Variants in HOMER1 observed in about 807,000 individuals in gnomAD.
HOMER1 encodes the protein homer protein homolog 1.
In HOMER1, 3 loss-of-function variants were observed where a neutral mutation model predicts 48.9. That is an observed-to-expected ratio of 0.06 (90% CI 0.03 to 0.16). The LOEUF (loss-of-function observed/expected upper bound fraction) is 0.16, where lower values mean the gene tolerates loss of function less well. Ranked by LOEUF, HOMER1 falls within the 10% of genes least tolerant of loss-of-function variation. The pLI is 1.00. For missense variants in HOMER1, 247 were observed against 411.4 expected (o/e 0.60, Z 3.46); for synonymous variants, 134 against 146.4 (o/e 0.92, Z 0.61).
intron 8 of HOMER1, among the ~76,000 whole-genome samples, chr5:79,390,745 A>G (rs1448632397): frequency 1.3e-5 from 2 of 152,190 alleles, no homozygotes; most frequent in African/African-American, 4.8e-5. Context: ...CTGTGATCCC[A>G]ATGCAATAGA....
At chr5:79,491,171 C>A (rs1401936376) in intron 1 of HOMER1, among the ~76,000 whole-genome samples, 1 of 144,220 alleles carries the variant, frequency 6.9e-6, no homozygotes, top group Non-Finnish European at 1.5e-5. Flanking sequence ...GCAGCTCACG[C>A]CTGTAATTCC....
At chr5:79,501,717 G>GT (rs1463919457) in intron 1 of HOMER1, among the ~76,000 whole-genome samples, 1 of 152,132 alleles carries the variant, frequency 6.6e-6, no homozygotes, top group Non-Finnish European at 1.5e-5. Context: ...TGCTCTAATG[G>GT]TAAGAGCCCC....
chr5:79,504,821 T>A (rs1752703626), intron 1 of HOMER1, among the ~76,000 whole-genome samples: 1 of 152,230 alleles, frequency 6.6e-6, no homozygotes, highest in African/African-American at 2.4e-5. Flanking sequence ...GCCTAATTGC[T>A]AGAAATCAGG....
At chr5:79,447,224 A>AGAAAATGAATAAC in intron 3 of HOMER1, 79 bp from the exon 4 acceptor site, 2 of 822,920 alleles carry the variant, frequency 2.4e-6, no homozygotes, top group Non-Finnish European at 4.1e-6. Context: ...AAAGTTATTC[A>AGAAAATGAATAAC]TTTTCTGAAT....
intron 1 of HOMER1, among the ~76,000 whole-genome samples, chr5:79,491,431 C>T (rs1752273739): frequency 2.2e-5 from 2 of 92,370 alleles, no homozygotes; most frequent in South Asian, 1.0e-3. Context: ...AGAGCGAGAC[C>T]TTGTCTCAAA....
At chr5:79,500,081 G>C (rs1300370186) in intron 1 of HOMER1, among the ~76,000 whole-genome samples, 6 of 152,174 alleles carry the variant, frequency 3.9e-5, no homozygotes, top group South Asian at 4.1e-4. Context: ...ACCATTTCAA[G>C]TTAAAAGAAC....
chr5:79,404,852 C>A (rs1325438291), intron 5 of HOMER1, among the ~76,000 whole-genome samples: 2 of 147,954 alleles, frequency 1.4e-5, no homozygotes, highest in Non-Finnish European at 3.0e-5. Context: ...GTGCCCACCA[C>A]CACGCCCAGC....
intron 1 of HOMER1, among the ~76,000 whole-genome samples, chr5:79,487,425 G>A (rs1266788403): frequency 1.3e-5 from 2 of 152,184 alleles, no homozygotes; most frequent in Non-Finnish European, 2.9e-5. Context: ...CAACAGGCAA[G>A]AAGCATACCA....
chr5:79,427,379 T>G (rs948044898), intron 5 of HOMER1, among the ~76,000 whole-genome samples: 29 of 152,124 alleles, frequency 1.9e-4, no homozygotes, highest in Admixed American at 1.8e-3. Flanking sequence ...AGTTTTTTTT[T>G]GTATTTGTTT....
chr5:79,439,112 G>T lies in HOMER1; in HGVS notation c.425C>A (p.Pro142Gln), dbSNP rs200295734. 2 of 1,613,838 alleles carry T rather than the reference G, an allele frequency of 1.2e-6. No individual in the cohort carries two copies. The highest frequency in any genetic ancestry group is 1.7e-6 in the Non-Finnish European group (2 of 1,179,882). Residue 142 changes from proline (P) to glutamine (Q), a missense_variant, in exon 5 of 9, where the codon CCG becomes CAG. Coordinates refer to ENST00000334082, the MANE Select transcript of HOMER1 (RefSeq NM_004272.5). ...ATCATCTGTCCCGTTGATACTTTCC[G>T]GTGTTAAAGGAGACTGAAGATCCCC... ...AGGDLQSPLTPESINGTDDER... is the reference protein window; with the variant it reads ...AGGDLQSPLTQESINGTDDER...
intron 1 of HOMER1, among the ~76,000 whole-genome samples, chr5:79,501,442 G>GT (rs1752587072): frequency 6.6e-6 from 1 of 152,212 alleles, no homozygotes; most frequent in Admixed American, 6.5e-5. Flanking sequence ...AAAGGTAAAT[G>GT]TGAGTTGGTG....
At chr5:79,463,170 C>T (rs1253534410) in intron 1 of HOMER1, among the ~76,000 whole-genome samples, 2 of 152,210 alleles carry the variant, frequency 1.3e-5, no homozygotes, top group Non-Finnish European at 2.9e-5. Context: ...TGCTCCCCAA[C>T]AAACCTCAGA....
intron 5 of HOMER1, among the ~76,000 whole-genome samples, chr5:79,413,099 C>A (rs372020715): frequency 6.6e-6 from 1 of 152,208 alleles, no homozygotes; most frequent in East Asian, 1.9e-4. Flanking sequence ...CCAGTTTGAA[C>A]ATCAGAGAGA....
chr5:79,376,317 A>G, intron 8 of HOMER1, 120 bp from the exon 9 acceptor site: 1 of 710,604 alleles, frequency 1.4e-6, no homozygotes. Context: ...GATGAGCTGC[A>G]GAATCTTAAT....
At chr5:79,430,880 T>C (rs920353604) in intron 5 of HOMER1, among the ~76,000 whole-genome samples, 1 of 151,456 alleles carries the variant, frequency 6.6e-6, no homozygotes, top group East Asian at 1.9e-4. Flanking sequence ...GAGGTTGCAA[T>C]GAGCTGAGAT....
chr5:79,469,606 TTTA>T (rs1161233261), intron 1 of HOMER1, among the ~76,000 whole-genome samples: 2 of 152,166 alleles, frequency 1.3e-5, no homozygotes, highest in African/African-American at 4.8e-5. Context: ...TTCATATTAT[TTTA>T]TTTTTATCTG....
Position 79,372,792 on chromosome 5 carries a change from C to T in HOMER1, c.*3217G>A, listed in dbSNP as rs1471702463. 2.0e-5 allele frequency: 3 copies of T among 152,030 alleles called. No homozygotes were observed. Among genetic ancestry groups the T allele is most frequent in the Non-Finnish European group, 4.4e-5 (3 of 68,002 alleles). 9.4% of individuals were successfully genotyped at this position (152,030 alleles called of 1,614,324 possible). ...TAAATAAAAACATGGGAGACTGTAGCCCACATGTTAAAGAATACATTTAAT... is the reference window on the plus strand; with the variant it reads ...TAAATAAAAACATGGGAGACTGTAGTCCACATGTTAAAGAATACATTTAAT... On this transcript the variant is annotated 3_prime_UTR_variant, in exon 9 of 9. Transcript: ENST00000334082.
At chr5:79,437,501 G>T (rs1750621659) in intron 5 of HOMER1, among the ~76,000 whole-genome samples, 1 of 152,112 alleles carries the variant, frequency 6.6e-6, no homozygotes, top group Non-Finnish European at 1.5e-5. Context: ...CATGTGTTCA[G>T]TCATCTTTAT....
chr5:79,471,971 G>A (rs1751634017), intron 1 of HOMER1, among the ~76,000 whole-genome samples: 1 of 152,118 alleles, frequency 6.6e-6, no homozygotes, highest in Admixed American at 6.6e-5. Context: ...TGTAAAAATT[G>A]CAGTCCCTTC....
Sources: gnomAD v4.1 joint callset for allele counts (sites outside exome capture counted in the v4.1 genomes callset) on GRCh38, gnomAD v4.1.1 for gene constraint, MANE v1.5 for transcripts, NCBI Gene and HGNC (gene_info 2026-07-23, HGNC 2026-07-21) for gene names.